Variants in RSPO2 observed in about 807,000 individuals in gnomAD.
The protein encoded by RSPO2 is R-spondin-2.
RSPO2 carries 14 observed loss-of-function variants against 30.9 expected under a neutral mutation model. The ratio of observed to expected loss-of-function variants is 0.45; its 90% CI spans 0.30 to 0.71. The LOEUF (loss-of-function observed/expected upper bound fraction) is 0.71, where lower values mean the gene tolerates loss of function less well. Among genes scored for constraint, RSPO2 ranks in the 30% least tolerant of loss-of-function variants. The pLI is 0.08. For synonymous variants in RSPO2, 107 were observed against 96.4 expected (o/e 1.11, Z -0.64); for missense variants, 264 against 301.9 (o/e 0.87, Z 0.93).
chr8:108,075,260 C>T (rs183774471), intron 2 of RSPO2, among the ~76,000 whole-genome samples: 216 of 152,270 alleles, frequency 1.4e-3, no homozygotes, highest in African/African-American at 5.1e-3. Context: ...GCGGGAGGAT[C>T]ACCTGAGGTC....
At chr8:108,028,931 T>C (rs1811313833) in intron 2 of RSPO2, among the ~76,000 whole-genome samples, 1 of 146,316 alleles carries the variant, frequency 6.8e-6, no homozygotes, top group African/African-American at 2.6e-5. Context: ...CAAACATTCA[T>C]AACTGAGTGA....
intron 3 of RSPO2, among the ~76,000 whole-genome samples, chr8:107,973,983 T>G (rs634150): frequency 1.3e-5 from 2 of 152,140 alleles, no homozygotes; most frequent in Admixed American, 1.3e-4. Flanking sequence ...ACAACTCATA[T>G]GAAGATTTTT....
chr8:107,957,132 G>A (rs1192781402), intron 5 of RSPO2, among the ~76,000 whole-genome samples: 5 of 152,096 alleles, frequency 3.3e-5, no homozygotes, highest in Non-Finnish European at 5.9e-5. Context: ...AGCATAACAC[G>A]GATATAAACC....
At chr8:107,988,187 G>T (rs1265051938) in intron 3 of RSPO2, among the ~76,000 whole-genome samples, 1 of 151,894 alleles carries the variant, frequency 6.6e-6, no homozygotes, top group African/African-American at 2.4e-5. Context: ...TGTACAAAAT[G>T]CCATTCCTTA....
chr8:108,019,767 GAC>G (rs1811001635), intron 2 of RSPO2, among the ~76,000 whole-genome samples: 1 of 152,118 alleles, frequency 6.6e-6, no homozygotes, highest in Non-Finnish European at 1.5e-5. Flanking sequence ...AAATAATAGT[GAC>G]ATTTTTCTGA....
chr8:108,023,389 C>T (rs1487654100), intron 2 of RSPO2, among the ~76,000 whole-genome samples: 1 of 152,108 alleles, frequency 6.6e-6, no homozygotes, highest in African/African-American at 2.4e-5. Context: ...AAAGTCAATC[C>T]ACCCAGGAAC....
chr8:107,973,461 C>A (rs1203462168), intron 3 of RSPO2, among the ~76,000 whole-genome samples: 4 of 152,034 alleles, frequency 2.6e-5, no homozygotes, highest in African/African-American at 9.7e-5. Flanking sequence ...GAACTCCAAA[C>A]TCACTATGCC....
chr8:107,955,543 A>T (rs898149870), intron 5 of RSPO2, among the ~76,000 whole-genome samples: 2 of 152,178 alleles, frequency 1.3e-5, no homozygotes, highest in South Asian at 2.1e-4. Flanking sequence ...TCTACTAAAG[A>T]TATTTCCAGA....
chr8:108,054,220 G>T (rs1812166309), intron 2 of RSPO2, among the ~76,000 whole-genome samples: 1 of 152,050 alleles, frequency 6.6e-6, no homozygotes, highest in Non-Finnish European at 1.5e-5. Context: ...CTTCTTAGAG[G>T]GACAAACCTC....
chr8:108,027,630 TAG>T (rs2130626135), intron 2 of RSPO2, among the ~76,000 whole-genome samples: 1 of 152,336 alleles, frequency 6.6e-6, no homozygotes, highest in East Asian at 1.9e-4. Context: ...CAGTATCCAT[TAG>T]AATGAACATA....
intron 2 of RSPO2, among the ~76,000 whole-genome samples, chr8:108,050,450 GTATA>G (rs1369742084): frequency 6.6e-6 from 1 of 152,020 alleles, no homozygotes; most frequent in African/African-American, 2.4e-5. Context: ...ATAAAGGTAT[GTATA>G]TATAGATTGA....
intron 2 of RSPO2, 166 bp from the exon 3 acceptor site, chr8:107,989,410 G>T: frequency 1.9e-6 from 1 of 533,214 alleles, no homozygotes; most frequent in African/African-American, 2.0e-5. Context: ...CACCCAAAAA[G>T]TTGTTAATAC....
chr8:108,044,236 G>GTTT (rs796625725), intron 2 of RSPO2, among the ~76,000 whole-genome samples: 1 of 151,826 alleles, frequency 6.6e-6, no homozygotes, highest in African/African-American at 2.4e-5. Context: ...GAGGTTTTGT[G>GTTT]TTTTTTTGTA....
chr8:108,066,695 AT>A (rs1812681298), intron 2 of RSPO2, among the ~76,000 whole-genome samples: 1 of 152,228 alleles, frequency 6.6e-6, no homozygotes, highest in Non-Finnish European at 1.5e-5. Context: ...TAGTACAAAA[AT>A]ATCTATAGCT....
intron 3 of RSPO2, among the ~76,000 whole-genome samples, chr8:107,979,171 T>C (rs376555068): frequency 6.6e-6 from 1 of 152,196 alleles, no homozygotes; most frequent in Admixed American, 6.5e-5. Context: ...CCTAGCCATC[T>C]CATTACTGGG....
At chr8:107,976,230 T>G (rs1168380335) in intron 3 of RSPO2, among the ~76,000 whole-genome samples, 1 of 152,238 alleles carries the variant, frequency 6.6e-6, no homozygotes, top group Middle Eastern at 3.2e-3. Flanking sequence ...TTCTTTTTTA[T>G]GATGGGCAGT....
chr8:107,928,755 T>C (rs1174801587), intron 5 of RSPO2, among the ~76,000 whole-genome samples: 4 of 152,172 alleles, frequency 2.6e-5, no homozygotes, highest in Non-Finnish European at 5.9e-5. Context: ...CAGTTTCTCA[T>C]CTGTGAAGTG....
chr8:107,905,623 C>G (rs1373278306), intron 5 of RSPO2, among the ~76,000 whole-genome samples: 1 of 151,946 alleles, frequency 6.6e-6, no homozygotes, highest in African/African-American at 2.4e-5. Context: ...TTCTTCAAAG[C>G]CACTAAAACT....
chr8:107,932,913 C>A (rs1464337865), intron 5 of RSPO2, among the ~76,000 whole-genome samples: 1 of 152,108 alleles, frequency 6.6e-6, no homozygotes, highest in Non-Finnish European at 1.5e-5. Context: ...TATGCTAAAT[C>A]TGCATTGGAA....
Sources: gnomAD v4.1 joint callset for allele counts (sites outside exome capture counted in the v4.1 genomes callset) on GRCh38, gnomAD v4.1.1 for gene constraint, MANE v1.5 for transcripts, NCBI Gene and HGNC (gene_info 2026-07-23, HGNC 2026-07-21) for gene names.